HSP90AA1: variants seen among roughly 807,000 people sequenced by gnomAD.
The protein encoded by HSP90AA1 is heat shock protein HSP 90-alpha.
Under a neutral mutation model 73.3 loss-of-function variants are expected in HSP90AA1, and 18 were observed. The observed-to-expected ratio is 0.25, with a 90% CI of 0.17 to 0.36. The LOEUF (loss-of-function observed/expected upper bound fraction) is 0.36, where lower values mean the gene tolerates loss of function less well. Among genes scored for constraint, HSP90AA1 ranks in the 10% least tolerant of loss-of-function variants. HSP90AA1 has a pLI of 1.00. For synonymous variants in HSP90AA1, 477 were observed against 296.9 expected (o/e 1.61, Z -6.24); for missense variants, 704 against 874.2 (o/e 0.81, Z 2.45).
upstream of HSP90AA1, among the ~76,000 whole-genome samples, chr14:102,089,123 G>A (rs2049317554): frequency 6.6e-6 from 1 of 152,062 alleles, no homozygotes. Context: ...GTTTCACCAT[G>A]TTGGCCAGGC....
chr14:102,094,094 G>A (rs932962944), intron 2 of HSP90AA1, among the ~76,000 whole-genome samples: 6 of 152,260 alleles, frequency 3.9e-5, no homozygotes, highest in African/African-American at 9.6e-5. Flanking sequence ...CTATAAAATC[G>A]GGATGCTTCA....
chr14:102,128,865 G>A (rs188448363), intron 1 of HSP90AA1, among the ~76,000 whole-genome samples: 10 of 152,210 alleles, frequency 6.6e-5, no homozygotes, highest in Admixed American at 5.9e-4. Flanking sequence ...ATAAGAATGG[G>A]TTCAGATAGA....
Position 102,085,450 on chromosome 14 carries a change from A to G in HSP90AA1, c.530-19T>C, listed in dbSNP as rs759734246. The G allele has an allele frequency of 4.1e-6, 6 of 1,477,268 alleles. No homozygotes were observed. The Admixed American group carries it at 1.3e-4, about 32-fold the overall frequency. The allele number at this position is 1,477,268 out of a possible 1,614,324, so 91.5% of individuals were successfully genotyped here. On this transcript the variant is annotated intron_variant, in intron 3 of 10. Coordinates refer to ENST00000216281, the MANE Select transcript of HSP90AA1 (RefSeq NM_005348.4). ...GGTTCACCTGCAAGAGAAGAAAGAA[A>G]AATTGACTTAATACATTCAATTTAG...
rs1566729320 is a variant in HSP90AA1, at chr14:102,105,218, ACAAAAAAAAAAC to A, written c.156-3145_156-3134del. On this transcript the variant is annotated intron_variant, in intron 1 of 11. Transcript: ENST00000334701. ...TGAGAGTCTGTCTCAAAAAAAAAAAACAAAAAAAAAACCAAACTTCATTCAACAAACACTGAT... is the reference window on the plus strand; with the variant it reads ...TGAGAGTCTGTCTCAAAAAAAAAAAACAAACTTCATTCAACAAACACTGAT... 2.0e-5 allele frequency among the ~76,000 whole-genome samples: 2 copies of A among 100,034 alleles called. 1 individual carries two copies. Among genetic ancestry groups the A allele is most frequent in the Non-Finnish European group, 3.8e-5 (2 of 51,986 alleles). 65.6% of individuals were successfully genotyped at this position (100,034 alleles called of 152,430 possible).
intron 1 of HSP90AA1, among the ~76,000 whole-genome samples, chr14:102,109,834 T>C (rs957092498): frequency 3.3e-5 from 5 of 152,168 alleles, no homozygotes; most frequent in African/African-American, 1.2e-4. Flanking sequence ...TTGGATGGCT[T>C]TGACCAAAAT....
At chr14:102,096,085 A>G (rs902769689) in intron 2 of HSP90AA1, among the ~76,000 whole-genome samples, 9 of 152,048 alleles carry the variant, frequency 5.9e-5, no homozygotes, top group Non-Finnish European at 1.2e-4. Context: ...GGGCACCCAC[A>G]TGTCACCAAG....
At chr14:102,127,054 A>G (rs1055768222) in intron 1 of HSP90AA1, among the ~76,000 whole-genome samples, 1 of 148,958 alleles carries the variant, frequency 6.7e-6, no homozygotes, top group East Asian at 1.9e-4. Context: ...TTTTTTTTTT[A>G]AATCACCTCT....
At chr14:102,087,066 C>T (rs1234805350), upstream of HSP90AA1, 2 of 985,160 alleles carry the variant, frequency 2.0e-6, no homozygotes, top group Non-Finnish European at 2.4e-6. Context: ...CCCGCGCCTG[C>T]CTTATATAGC....
intron 6 of HSP90AA1, 21 bp downstream of exon 6, chr14:102,084,376 TTA>T: frequency 6.2e-7 from 1 of 1,605,286 alleles, no homozygotes; most frequent in South Asian, 1.1e-5. Flanking sequence ...GTGACAGTGA[TTA>T]TTTTTCCTAT....
At chr14:102,122,281 CTT>C (rs35837326) in intron 1 of HSP90AA1, among the ~76,000 whole-genome samples, 78,334 of 118,936 alleles carry the variant, frequency 0.66, 26,765 homozygotes, top group East Asian at 0.87. Flanking sequence ...TGTTTAAAGA[CTT>C]TTTTTTTTTT....
At chr14:102,087,382 C>G (rs1049653892), upstream of HSP90AA1, among the ~76,000 whole-genome samples, 1 of 151,618 alleles carries the variant, frequency 6.6e-6, no homozygotes, top group African/African-American at 2.4e-5. Flanking sequence ...CCTGCACCCC[C>G]ACCTGCCGCG....
At chr14:102,082,606 A>C in intron 9 of HSP90AA1, 162 bp from the exon 10 acceptor site, 1 of 652,840 alleles carries the variant, frequency 1.5e-6, no homozygotes, top group Non-Finnish European at 2.7e-6. Context: ...CACAGGTTAT[A>C]ATTTCATGTT....
intron 9 of HSP90AA1, 69 bp from the exon 10 acceptor site, chr14:102,082,513 T>C (rs1187099396): frequency 8.0e-7 from 1 of 1,254,986 alleles, no homozygotes; most frequent in African/African-American, 1.5e-5. Flanking sequence ...TGAAATGAAA[T>C]CTGTAGAACC....
At chr14:102,135,770 T>C (rs1445926790) in intron 1 of HSP90AA1, among the ~76,000 whole-genome samples, 1 of 152,220 alleles carries the variant, frequency 6.6e-6, no homozygotes, top group Admixed American at 6.5e-5. Context: ...AGTCCCTCAT[T>C]GCCCGGGGCC....
chr14:102,134,192 GCTGGGCACGGTGGCA>G (rs1263637435), intron 1 of HSP90AA1, among the ~76,000 whole-genome samples: 14 of 151,146 alleles, frequency 9.3e-5, no homozygotes, highest in Middle Eastern at 3.4e-3. Context: ...ACAAAAATTA[GCTGGGCACGGTGGCA>G]CATGCCTGCA....
At chr14:102,130,131 T>C (rs1346134289) in intron 1 of HSP90AA1, among the ~76,000 whole-genome samples, 1 of 151,880 alleles carries the variant, frequency 6.6e-6, no homozygotes, top group Non-Finnish European at 1.5e-5. Flanking sequence ...CCACCACACC[T>C]GGCTAATTTT....
rs116476189 is a variant in HSP90AA1 at position 102,086,250 on chromosome 14, G to A, written c.129C>T (p.Ile43=). The part of the protein sequence containing the change: ...IINTFYSNKE[I]FLRELISNSS... ...AATTTGAAATGAGCTCTCTCAGAAAGATCTCTTTGTTCGAGTAGAAAGTAT... is the reference window on the plus strand; with the variant it reads ...AATTTGAAATGAGCTCTCTCAGAAAAATCTCTTTGTTCGAGTAGAAAGTAT... Residue 43 remains isoleucine, a synonymous_variant, in exon 2 of 11, where the codon ATC becomes ATT. Coordinates refer to ENST00000216281, the MANE Select transcript of HSP90AA1 (RefSeq NM_005348.4). 43 of 1,614,160 alleles carry A rather than the reference G, an allele frequency of 2.7e-5. No individual in the cohort carries two copies. The highest frequency in any genetic ancestry group is 1.8e-4 in the East Asian group (8 of 44,888).
At chr14:102,085,228 TA>T in intron 4 of HSP90AA1, 69 bp downstream of exon 4, 1 of 1,519,192 alleles carries the variant, frequency 6.6e-7, no homozygotes, top group South Asian at 1.1e-5. Context: ...ATCTAGGGAC[TA>T]AGGATGTAGT....
At chr14:102,119,754 T>C (rs879749440) in intron 1 of HSP90AA1, among the ~76,000 whole-genome samples, 1 of 152,202 alleles carries the variant, frequency 6.6e-6, no homozygotes, top group Non-Finnish European at 1.5e-5. Context: ...CCTAAAGTGC[T>C]GGGATTACAG....
Sources: gnomAD v4.1 joint callset for allele counts (sites outside exome capture counted in the v4.1 genomes callset) on GRCh38, gnomAD v4.1.1 for gene constraint, MANE v1.5 for transcripts, NCBI Gene and HGNC (gene_info 2026-07-23, HGNC 2026-07-21) for gene names.